Variants in CNTNAP2 observed in about 807,000 individuals in gnomAD.
The protein encoded by CNTNAP2 is contactin-associated protein-like 2.
A neutral mutation model predicts 155.2 loss-of-function variants in CNTNAP2; 98 were observed. That is an observed-to-expected ratio of 0.63 (90% CI 0.54 to 0.75). The LOEUF (loss-of-function observed/expected upper bound fraction) is 0.75, where lower values mean the gene tolerates loss of function less well. Ranked by LOEUF, CNTNAP2 falls within the 30% of genes least tolerant of loss-of-function variation. The pLI, the probability that CNTNAP2 is intolerant of heterozygous loss-of-function variation, is 0.00. For synonymous variants in CNTNAP2, 651 were observed against 631.2 expected, an observed-to-expected ratio of 1.03 and a Z score of -0.47; for missense variants, 1,727 against 1,688.1, an observed-to-expected ratio of 1.02 and a Z score of -0.40.
intron 1 of CNTNAP2, among the ~76,000 whole-genome samples, chr7:146,303,499 G>C (rs1376989536): frequency 1.3e-5 from 2 of 152,042 alleles, no homozygotes; most frequent in Admixed American, 1.3e-4. Context: ...TTGTACAGCA[G>C]TTCTGTTGAA....
At chr7:147,426,204 A>G (rs1797375496) in intron 10 of CNTNAP2, among the ~76,000 whole-genome samples, 1 of 152,022 alleles carries the variant, frequency 6.6e-6, no homozygotes, top group Non-Finnish European at 1.5e-5. Context: ...TTTAAATAAA[A>G]AAGAGCCTAA....
intron 19 of CNTNAP2, among the ~76,000 whole-genome samples, chr7:148,218,298 G>C (rs1795681986): frequency 6.6e-6 from 1 of 152,182 alleles, no homozygotes; most frequent in Non-Finnish European, 1.5e-5. Flanking sequence ...CTTTCAATAG[G>C]AGTAGAAAAT....
chr7:146,911,672 G>T (rs1403384976), intron 3 of CNTNAP2, among the ~76,000 whole-genome samples: 1 of 114,428 alleles, frequency 8.7e-6, no homozygotes, highest in Non-Finnish European at 1.7e-5. Flanking sequence ...GGGGGGAGGG[G>T]GGAGGGATAG....
intron 9 of CNTNAP2, among the ~76,000 whole-genome samples, chr7:147,365,338 G>A (rs1168047817): frequency 1.5e-5 from 2 of 131,270 alleles, no homozygotes; most frequent in Non-Finnish European, 3.1e-5. Flanking sequence ...CCAGGCCATT[G>A]CACTCCAGCC....
At chr7:146,459,835 G>A (rs1414530247) in intron 1 of CNTNAP2, among the ~76,000 whole-genome samples, 9 of 152,016 alleles carry the variant, frequency 5.9e-5, no homozygotes, top group African/African-American at 1.9e-4. Flanking sequence ...CCTGGCATGG[G>A]GGTACATGCC....
At chr7:148,400,040 C>A (rs1585344160) in intron 22 of CNTNAP2, among the ~76,000 whole-genome samples, 1 of 152,132 alleles carries the variant, frequency 6.6e-6, no homozygotes, top group Non-Finnish European at 1.5e-5. Context: ...GCATTTTTAC[C>A]AAAGCTCAGG....
At chr7:147,351,895 T>C (rs949750531) in intron 9 of CNTNAP2, among the ~76,000 whole-genome samples, 6 of 151,972 alleles carry the variant, frequency 3.9e-5, no homozygotes, top group African/African-American at 1.2e-4. Context: ...TTAGGTAATA[T>C]GAACATGTGA....
chr7:147,842,773 T>C (rs1447509712), intron 13 of CNTNAP2, among the ~76,000 whole-genome samples: 1 of 78,712 alleles, frequency 1.3e-5, no homozygotes, highest in Non-Finnish European at 2.5e-5. Flanking sequence ...CCCCAGAGTG[T>C]GATATTCCCC....
In CNTNAP2 at chr7:146,295,426, CTTG is replaced by C. The variant is rs1225431239; in HGVS notation, c.97+178459_97+178461del. On this transcript the variant is annotated intron_variant, in intron 1 of 23. Coordinates refer to ENST00000361727, the MANE Select transcript of CNTNAP2 (RefSeq NM_014141.6). ...TTTCTAGGCTGGCTGATCTTTATAA[CTTG>C]TTGTTCATAAAGATGTATGTAAATA... 5.3e-5 allele frequency among the ~76,000 whole-genome samples: 8 copies of C among 151,996 alleles called. No individual in the cohort carries two copies. The South Asian group carries it at 6.2e-4, about 12-fold the overall frequency.
intron 14 of CNTNAP2, among the ~76,000 whole-genome samples, chr7:147,926,233 C>G (rs552671280): frequency 6.6e-6 from 1 of 152,220 alleles, no homozygotes; most frequent in South Asian, 2.1e-4. Flanking sequence ...AACTCCACAC[C>G]TCTCCCCACG....
intron 14 of CNTNAP2, among the ~76,000 whole-genome samples, chr7:147,928,688 C>A (rs1041445851): frequency 1.3e-5 from 2 of 152,176 alleles, no homozygotes; most frequent in Non-Finnish European, 2.9e-5. Context: ...GTCAGTTACT[C>A]TCACACTTGG....
intron 3 of CNTNAP2, among the ~76,000 whole-genome samples, chr7:146,881,350 T>C (rs930338496): frequency 4.6e-5 from 7 of 152,140 alleles, no homozygotes; most frequent in African/African-American, 1.2e-4. Flanking sequence ...AGCTTTAAAA[T>C]TGTGGGATTT....
At chr7:148,080,157 T>C (rs1803566454) in intron 15 of CNTNAP2, among the ~76,000 whole-genome samples, 1 of 152,208 alleles carries the variant, frequency 6.6e-6, no homozygotes, top group Admixed American at 6.5e-5. Context: ...GAGCCTGTCT[T>C]ACAATGAGCA....
rs1279096696 is a variant in CNTNAP2, at chr7:147,802,447, C to T, written c.2099-101118C>T. ...GGCGGCTGGGAGGTGGAAGTTGTAGCGAGCCGAGATCAGGCCACTGCACTC... is the reference window on the plus strand; with the variant it reads ...GGCGGCTGGGAGGTGGAAGTTGTAGTGAGCCGAGATCAGGCCACTGCACTC... On this transcript the variant is annotated intron_variant, in intron 13 of 23. Transcript: ENST00000361727. Among the ~76,000 whole-genome samples, 12 of 152,170 alleles carry T rather than the reference C, an allele frequency of 7.9e-5. No individual in the cohort carries two copies. In the South Asian group the frequency reaches 1.7e-3, roughly 21 times the overall value.
At chr7:148,273,531 G>T (rs1796820300) in intron 21 of CNTNAP2, among the ~76,000 whole-genome samples, 1 of 152,024 alleles carries the variant, frequency 6.6e-6, no homozygotes, top group Admixed American at 6.6e-5. Context: ...AACTATTTCT[G>T]CCATCGCTGT....
chr7:147,805,093 C>T (rs944604371), intron 13 of CNTNAP2, among the ~76,000 whole-genome samples: 14 of 149,154 alleles, frequency 9.4e-5, no homozygotes, highest in African/African-American at 2.0e-4. Flanking sequence ...TTTTTTGAGA[C>T]GGAGCCTGAG....
chr7:148,389,077 T>C (rs1310913699), intron 22 of CNTNAP2, among the ~76,000 whole-genome samples: 1 of 152,180 alleles, frequency 6.6e-6, no homozygotes, highest in Non-Finnish European at 1.5e-5. Context: ...CAGATGGAAA[T>C]GCAGAAATCA....
At chr7:147,900,930 T>C (rs981622954) in intron 13 of CNTNAP2, among the ~76,000 whole-genome samples, 6 of 152,192 alleles carry the variant, frequency 3.9e-5, no homozygotes, top group Non-Finnish European at 7.3e-5. Flanking sequence ...ACTTCTACAA[T>C]CAATTTGTAC....
At chr7:147,966,399 GT>G in intron 14 of CNTNAP2, among the ~76,000 whole-genome samples, 1 of 152,050 alleles carries the variant, frequency 6.6e-6, no homozygotes, top group East Asian at 1.9e-4. Flanking sequence ...TTTTTCATGA[GT>G]GTTGAAGTCT....
Sources: allele counts gnomAD v4.1 joint callset (sites outside exome capture counted in the v4.1 genomes callset), GRCh38; gene constraint gnomAD v4.1.1; transcripts MANE v1.5; gene names NCBI Gene and HGNC (gene_info 2026-07-23, HGNC 2026-07-21).